The following VWA8 variants were observed in gnomAD, a reference collection of about 807,000 sequenced individuals.
The protein encoded by VWA8 is von Willebrand factor A domain containing 8, also known as von Willebrand factor A domain-containing protein 8.
In VWA8, 221 loss-of-function variants were observed where a neutral mutation model predicts 241.5. The observed-to-expected ratio is 0.91, with a 90% confidence interval of 0.82 to 1.02. VWA8 has a LOEUF of 1.02. Among genes scored for constraint, VWA8 ranks in the 50% least tolerant of loss-of-function variants. The pLI is 0.00. For missense variants in VWA8, 2,322 were observed against 2,328.7 expected (o/e 1.00, Z 0.06); for synonymous variants, 852 against 827.1 (o/e 1.03, Z -0.52).
chr13:41,768,027 C>T (rs1488984168), intron 20 of VWA8, among the ~76,000 whole-genome samples: 1 of 152,224 alleles, frequency 6.6e-6, no homozygotes, highest in Non-Finnish European at 1.5e-5. Context: ...ACATTGTAAA[C>T]TCAGGCAACT....
chr13:41,800,735 G>A (rs1869915311), intron 17 of VWA8, among the ~76,000 whole-genome samples: 1 of 150,042 alleles, frequency 6.7e-6, no homozygotes, highest in Non-Finnish European at 1.5e-5. Flanking sequence ...AGAGCTTGTA[G>A]TGAGCTGAGA....
intron 12 of VWA8, among the ~76,000 whole-genome samples, chr13:41,849,373 G>C (rs1244804165): frequency 6.6e-6 from 1 of 152,070 alleles, no homozygotes; most frequent in African/African-American, 2.4e-5. Flanking sequence ...TCAAATCAAA[G>C]TTATACCCTT....
rs1170004521 is a variant in VWA8, at chr13:41,671,086, G to A, written c.4471C>T (p.Leu1491=). 4 of 1,613,962 alleles carry A rather than the reference G, an allele frequency of 2.5e-6. No individual in the cohort carries two copies. In the South Asian group the frequency reaches 4.4e-5, roughly 18 times the overall value. The change falls in exon 37 of 45, where the codon CTG becomes TTG. Residue 1491 remains leucine, a synonymous_variant. Transcript: ENST00000379310. ...LSTISDTDAL[L]AEWDKSGVVT... ...ACACCGCTTTTGTCCCACTCAGCCA[G>A]CAGTGCATCTGTGTCTGAAATGGTC...
chr13:41,798,384 C>T (rs9315867), intron 17 of VWA8, among the ~76,000 whole-genome samples: 100,397 of 152,020 alleles, frequency 0.66, 34,722 homozygotes, highest in South Asian at 0.82. Flanking sequence ...AACTACTAAA[C>T]GTAGTAAGCT....
chr13:41,581,852 G>T (rs539910500), intron 42 of VWA8, among the ~76,000 whole-genome samples: 2 of 152,132 alleles, frequency 1.3e-5, no homozygotes, highest in Non-Finnish European at 2.9e-5. Context: ...AAAAGGAGGT[G>T]TATTTCAAGA....
intron 14 of VWA8, among the ~76,000 whole-genome samples, chr13:41,830,002 G>A (rs1449753014): frequency 6.6e-6 from 1 of 152,136 alleles, no homozygotes; most frequent in South Asian, 2.1e-4. Flanking sequence ...CAGCACTTTG[G>A]GAGGCCAAGG....
At chr13:41,839,768 C>CT (rs1276653294) in intron 12 of VWA8, among the ~76,000 whole-genome samples, 1 of 152,146 alleles carries the variant, frequency 6.6e-6, no homozygotes, top group Non-Finnish European at 1.5e-5. Flanking sequence ...GTTTTGGTTA[C>CT]TGTAGACTTG....
chr13:41,568,523 G>T (rs369885831), intron 44 of VWA8: 1 of 457,564 alleles, frequency 2.2e-6, no homozygotes, highest in Non-Finnish European at 3.9e-6. Context: ...GGAACTGAAA[G>T]AAAGGTCTTT....
At chr13:41,960,824 A>G in intron 1 of VWA8, 29 bp downstream of exon 1, 2 of 1,510,274 alleles carry the variant, frequency 1.3e-6, no homozygotes, top group Non-Finnish European at 1.8e-6. Flanking sequence ...CAGGGGCACC[A>G]GGGAGGACAG....
intron 12 of VWA8, among the ~76,000 whole-genome samples, chr13:41,852,328 T>C (rs1174287992): frequency 6.6e-6 from 1 of 152,194 alleles, no homozygotes; most frequent in Non-Finnish European, 1.5e-5. Flanking sequence ...CCTTTTACAG[T>C]TTAGAAATTA....
chr13:41,637,072 C>T (rs574936928), intron 37 of VWA8, among the ~76,000 whole-genome samples: 165 of 151,108 alleles, frequency 1.1e-3, no homozygotes, highest in African/African-American at 3.8e-3. Flanking sequence ...TGGGTATATA[C>T]CCAAAGGACT....
chr13:41,960,020 G>A (rs190869175), intron 1 of VWA8, among the ~76,000 whole-genome samples: 1 of 152,260 alleles, frequency 6.6e-6, no homozygotes, highest in Non-Finnish European at 1.5e-5. Context: ...CACTGACATT[G>A]ACAAAATCTT....
chr13:41,703,724 G>C (rs1319226109), intron 26 of VWA8, among the ~76,000 whole-genome samples: 1 of 151,320 alleles, frequency 6.6e-6, no homozygotes, highest in Non-Finnish European at 1.5e-5. Flanking sequence ...TTCTGGTAGA[G>C]TATAGGAAAA....
chr13:41,670,958 G>T lies in VWA8; in HGVS notation c.4599C>A (p.Asp1533Glu). ...ATTCAAATGGTACCTGCATATTTCT[G>T]TCATCTTGTCCAATCATGTTTCTCC... ...MEWRNMIGQD[D>E]RNMQITINRD... Residue 1533 changes from aspartate (D) to glutamate (E), a missense_variant, in exon 37 of 45, where the codon GAC (aspartate) becomes GAA (glutamate). Physicochemically the swap from Asp to Glu is conservative, Grantham distance 45. Coordinates refer to ENST00000379310, the MANE Select transcript of VWA8 (RefSeq NM_015058.2). The T allele has an allele frequency of 1.9e-6, 3 of 1,613,652 alleles. No individual in the cohort carries two copies. Among genetic ancestry groups the T allele is most frequent in the Non-Finnish European group, 2.5e-6 (3 of 1,179,770 alleles).
At chr13:41,629,921 C>T (rs906351539) in intron 37 of VWA8, among the ~76,000 whole-genome samples, 1 of 152,136 alleles carries the variant, frequency 6.6e-6, no homozygotes, top group Non-Finnish European at 1.5e-5. Flanking sequence ...CCCTCAACAC[C>T]CTTAAAAAGC....
intron 29 of VWA8, among the ~76,000 whole-genome samples, chr13:41,694,117 T>C (rs1027555780): frequency 1.3e-5 from 2 of 151,990 alleles, no homozygotes; most frequent in African/African-American, 2.4e-5. Flanking sequence ...ATATTTAATA[T>C]ATAAAGAATA....
intron 12 of VWA8, among the ~76,000 whole-genome samples, chr13:41,863,764 T>C (rs992633745): frequency 6.6e-6 from 1 of 151,868 alleles, no homozygotes; most frequent in Non-Finnish European, 1.5e-5. Context: ...GAGCTAAACA[T>C]TGAGTACACA....
chr13:41,569,414 T>C (rs2044284880), intron 44 of VWA8, among the ~76,000 whole-genome samples: 1 of 152,192 alleles, frequency 6.6e-6, no homozygotes, highest in Non-Finnish European at 1.5e-5. Context: ...AGATGCAAAG[T>C]GCTAACTTGT....
intron 21 of VWA8, among the ~76,000 whole-genome samples, chr13:41,751,874 C>A (rs1014276813): frequency 6.6e-6 from 1 of 152,140 alleles, no homozygotes; most frequent in Non-Finnish European, 1.5e-5. Flanking sequence ...CAGTGCTCCT[C>A]GGTAAGCATG....
Sources: allele counts gnomAD v4.1 joint callset (sites outside exome capture counted in the v4.1 genomes callset), GRCh38; gene constraint gnomAD v4.1.1; transcripts MANE v1.5; gene names NCBI Gene and HGNC (gene_info 2026-07-23, HGNC 2026-07-21).